The following TMEM108 variants were observed in gnomAD, a reference collection of about 807,000 sequenced individuals.
TMEM108 encodes the protein cancer/testis antigen 124.
TMEM108 carries 12 observed loss-of-function variants against 35.1 expected under a neutral mutation model. The ratio of observed to expected loss-of-function variants is 0.34; its 90% CI spans 0.22 to 0.55. TMEM108 has a LOEUF of 0.55. Ranked by LOEUF, TMEM108 falls within the 20% of genes least tolerant of loss-of-function variation. The pLI, the probability that TMEM108 is intolerant of heterozygous loss-of-function variation, is 0.89. For synonymous variants in TMEM108, 287 were observed against 308.6 expected, an observed-to-expected ratio of 0.93 and a Z score of 0.73; for missense variants, 680 against 753.3, an observed-to-expected ratio of 0.90 and a Z score of 1.14.
At chr3:133,142,732 C>T (rs993454891) in intron 2 of TMEM108, among the ~76,000 whole-genome samples, 1 of 152,192 alleles carries the variant, frequency 6.6e-6, no homozygotes, top group Non-Finnish European at 1.5e-5. Context: ...TCTGTGCCCC[C>T]TCATTAGGGA....
intron 2 of TMEM108, among the ~76,000 whole-genome samples, chr3:133,161,596 T>C (rs1484966477): frequency 6.6e-6 from 1 of 151,964 alleles, no homozygotes; most frequent in African/African-American, 2.4e-5. Flanking sequence ...AATGTGAAAA[T>C]ATAACTGGGG....
At chr3:133,077,351 G>C (rs1312457514) in intron 2 of TMEM108, among the ~76,000 whole-genome samples, 1 of 152,124 alleles carries the variant, frequency 6.6e-6, no homozygotes, top group African/African-American at 2.4e-5. Context: ...TGGCAGTGGT[G>C]TTCAGCCAGG....
intron 5 of TMEM108, among the ~76,000 whole-genome samples, chr3:133,393,079 A>G (rs533201696): frequency 6.6e-6 from 1 of 152,232 alleles, no homozygotes; most frequent in East Asian, 1.9e-4. Flanking sequence ...ATCACACACC[A>G]GCTTCAGTGG....
chr3:133,274,724 A>G (rs1403375766), intron 3 of TMEM108, among the ~76,000 whole-genome samples: 3 of 152,172 alleles, frequency 2.0e-5, no homozygotes, highest in Admixed American at 1.3e-4. Context: ...AATAACAACC[A>G]TTTCCCTGGG....
At chr3:133,323,022 A>G (rs149881233) in intron 3 of TMEM108, among the ~76,000 whole-genome samples, 6,682 of 152,222 alleles carry the variant, frequency 0.044, 190 homozygotes, top group Non-Finnish European at 0.064. Context: ...AGGTAATAAA[A>G]GCCATCTATG....
chr3:133,396,413 C>T lies in TMEM108; in HGVS notation c.*427C>T, dbSNP rs1159883095. ...CCCATTTCCTCCCTTCTCATACGCACACCTGTAAAGGGAACTGGACCGCCT... is the reference window on the plus strand; with the variant it reads ...CCCATTTCCTCCCTTCTCATACGCATACCTGTAAAGGGAACTGGACCGCCT... On this transcript the variant is annotated 3_prime_UTR_variant, in exon 6 of 6. Transcript: ENST00000321871. 4 of 153,222 alleles carry T rather than the reference C, an allele frequency of 2.6e-5. No individual in the cohort carries two copies. The highest frequency in any genetic ancestry group is 7.2e-5 in the African/African-American group (3 of 41,454). 9.5% of individuals were successfully genotyped at this position (153,222 alleles called of 1,614,324 possible). A position where few individuals can be genotyped will look rare whatever the true frequency, so the allele number is the denominator to read the frequency against.
At chr3:133,295,489 T>C (rs372113079) in intron 3 of TMEM108, among the ~76,000 whole-genome samples, 6 of 152,372 alleles carry the variant, frequency 3.9e-5, no homozygotes, top group African/African-American at 1.4e-4. Context: ...TGAAACATCC[T>C]GAGAGCATTT....
intron 1 of TMEM108, among the ~76,000 whole-genome samples, chr3:133,044,941 A>T (rs1943317310): frequency 6.6e-6 from 1 of 151,808 alleles, no homozygotes. Flanking sequence ...CCTGTCTCTT[A>T]AAAAAATTCT....
At chr3:133,155,230 T>G (rs1011179877) in intron 2 of TMEM108, among the ~76,000 whole-genome samples, 1 of 152,202 alleles carries the variant, frequency 6.6e-6, no homozygotes, top group Non-Finnish European at 1.5e-5. Context: ...GGTGTGTATA[T>G]ATACCACATT....
intron 2 of TMEM108, among the ~76,000 whole-genome samples, chr3:133,223,457 C>T (rs1021998592): frequency 2.0e-5 from 3 of 152,126 alleles, no homozygotes; most frequent in African/African-American, 7.2e-5. Flanking sequence ...GCATGGGTTG[C>T]AAGGGTGGGT....
At chr3:133,088,242 A>G (rs1042720679) in intron 2 of TMEM108, among the ~76,000 whole-genome samples, 1 of 152,034 alleles carries the variant, frequency 6.6e-6, no homozygotes, top group Non-Finnish European at 1.5e-5. Flanking sequence ...ATTGTGGGCT[A>G]CAGATTGACA....
At chr3:133,198,429 T>C (rs757108694) in intron 2 of TMEM108, among the ~76,000 whole-genome samples, 1 of 152,220 alleles carries the variant, frequency 6.6e-6, no homozygotes, top group Admixed American at 6.5e-5. Flanking sequence ...ATCAAGAGGA[T>C]GGGGTACCCC....
chr3:133,193,516 C>T (rs1252590575), intron 2 of TMEM108, among the ~76,000 whole-genome samples: 1 of 152,074 alleles, frequency 6.6e-6, no homozygotes, highest in Non-Finnish European at 1.5e-5. Context: ...CATGGCTCTG[C>T]TTTATGACCC....
At chr3:133,184,105 T>C (rs1232086426) in intron 2 of TMEM108, among the ~76,000 whole-genome samples, 1 of 152,096 alleles carries the variant, frequency 6.6e-6, no homozygotes, top group Non-Finnish European at 1.5e-5. Flanking sequence ...TGAGATACCA[T>C]TATATGAAGA....
At chr3:133,176,139 G>A (rs990489691) in intron 2 of TMEM108, among the ~76,000 whole-genome samples, 1 of 152,170 alleles carries the variant, frequency 6.6e-6, no homozygotes, top group African/African-American at 2.4e-5. Context: ...AAATACATAT[G>A]CACCCAATAC....
intron 2 of TMEM108, among the ~76,000 whole-genome samples, chr3:133,120,675 T>G (rs1944342210): frequency 1.3e-5 from 2 of 152,210 alleles, no homozygotes; most frequent in South Asian, 4.1e-4. Context: ...TCTACACTTC[T>G]AAGTAAATAA....
chr3:133,105,303 C>G (rs1944136476), intron 2 of TMEM108, among the ~76,000 whole-genome samples: 2 of 152,146 alleles, frequency 1.3e-5, no homozygotes, highest in African/African-American at 4.8e-5. Flanking sequence ...GTCCATGTTC[C>G]TTGGTCCATG....
At chr3:133,388,825 T>A in intron 4 of TMEM108, 4 of 985,504 alleles carry the variant, frequency 4.1e-6, no homozygotes, top group Non-Finnish European at 4.8e-6. Flanking sequence ...GGTGCCAGCT[T>A]GTGCAACTGC....
chr3:133,125,965 A>G (rs1395787343), intron 2 of TMEM108, among the ~76,000 whole-genome samples: 3 of 152,112 alleles, frequency 2.0e-5, no homozygotes, highest in Non-Finnish European at 2.9e-5. Flanking sequence ...CACCAATGTC[A>G]TTTTTACTTT....
Sources: gnomAD v4.1 joint callset for allele counts (sites outside exome capture counted in the v4.1 genomes callset) on GRCh38, gnomAD v4.1.1 for gene constraint, MANE v1.5 for transcripts, NCBI Gene and HGNC (gene_info 2026-07-23, HGNC 2026-07-21) for gene names.